The following ZNF500 variants were observed in gnomAD, a reference collection of about 807,000 sequenced individuals.
ZNF500 encodes the protein zinc finger protein 500.
A neutral mutation model predicts 30.1 loss-of-function variants in ZNF500; 31 were observed. That is an observed-to-expected ratio of 1.03 (90% CI 0.77 to 1.39). The LOEUF (loss-of-function observed/expected upper bound fraction) is 1.39. ZNF500 is among the 40% of genes most tolerant of loss of function. The pLI, the probability that ZNF500 is intolerant of heterozygous loss-of-function variation, is 0.00. For synonymous variants in ZNF500, 392 were observed against 282.0 expected, an observed-to-expected ratio of 1.39 and a Z score of -3.91; for missense variants, 817 against 657.8, an observed-to-expected ratio of 1.24 and a Z score of -2.65.
chr16:4,758,353 A>G (rs1039169309), intron 5 of ZNF500: 1 of 152,240 alleles, frequency 6.6e-6, no homozygotes, highest in South Asian at 2.1e-4. Context: ...GCTGGTGGAC[A>G]GAGCTGGGCA....
rs1166926505 is a variant in ZNF500 at position 4,762,663 on chromosome 16, G to A, written c.508C>T (p.Leu170=). The A allele has an allele frequency of 1.2e-6, 2 of 1,614,146 alleles. No individual in the cohort carries two copies. Among genetic ancestry groups the A allele is most frequent in the East Asian group, 4.5e-5 (2 of 44,880 alleles). The change falls in exon 3 of 6, where the codon CTG becomes TTG. Residue 170 remains leucine, a synonymous_variant. Coordinates refer to ENST00000219478, the MANE Select transcript of ZNF500 (RefSeq NM_021646.4). ...CTGGAGAATCGAGCCTCTTCCTCCA[G>A]GGACAGATCCTCTGGCTGAGCCTCT... ...QAEAQPEDLS[L]EEEARFSSQQ...
At position 4,752,544 on chromosome 16, in the gene ZNF500, G is replaced by T; in HGVS notation, c.1275C>A (p.Ser425Arg). The T allele has an allele frequency of 6.4e-7, 1 of 1,567,930 alleles. No homozygotes were observed. The part of the protein sequence containing the change: ...GKRFNNSSHF[S>R]AHRRTHTGEK... ...CACCTGTGTGCGTCCGGCGGTGGGC[G>T]CTGAAGTGCGAGCTGTTGTTGAAGC... is the stretch of plus-strand genomic sequence containing the variant. The change falls in exon 6 of 6, where the codon AGC (serine) becomes AGA (arginine). Residue 425 changes from serine (S) to arginine (R), a missense_variant. By Grantham distance (110) the Ser-to-Arg change is moderately radical. Transcript: ENST00000219478.
downstream of ZNF500, chr16:4,746,885 G>C: frequency 6.7e-7 from 1 of 1,487,522 alleles, no homozygotes; most frequent in South Asian, 1.3e-5. Flanking sequence ...TGGAACACCA[G>C]GTGGAGTGGG....
chr16:4,747,776 C>G (rs1374435276), downstream of ZNF500: 1 of 976,142 alleles, frequency 1.0e-6, no homozygotes, highest in African/African-American at 1.7e-5. Flanking sequence ...GTTGCCCACC[C>G]TGTTAGAGCT....
At chr16:4,747,287 G>T, downstream of ZNF500, 1 of 1,506,100 alleles carries the variant, frequency 6.6e-7, no homozygotes, top group Non-Finnish European at 8.9e-7. Context: ...CAGTAAGGAG[G>T]GCTGGGAGGG....
At chr16:4,765,531 T>C in intron 2 of ZNF500, 34 bp downstream of exon 2, 1 of 1,546,950 alleles carries the variant, frequency 6.5e-7, no homozygotes, top group Non-Finnish European at 8.7e-7. Flanking sequence ...AGGGCCCCAT[T>C]TCCTCACCTG....
At chr16:4,761,052 G>C (rs1475945348) in intron 4 of ZNF500, among the ~76,000 whole-genome samples, 1 of 152,170 alleles carries the variant, frequency 6.6e-6, no homozygotes, top group East Asian at 1.9e-4. Context: ...AATTCACAGA[G>C]ACAAGAAGGA....
Position 4,752,649 on chromosome 16 carries a change from G to T in ZNF500, c.1170C>A (p.Phe390Leu), listed in dbSNP as rs780268937. ...GGATGACCAGGCTGGAGCTCTGGCT[G>T]AAGCGCTTCCCACACTCGGGGCACG... ...PYPCPECGKR[F>L]SQSSSLVIHR... Residue 390 changes from phenylalanine (F) to leucine (L), a missense_variant, in exon 6 of 6, where the codon TTC (phenylalanine) becomes TTA (leucine). Phe to Leu is a conservative substitution (Grantham distance 22). Coordinates refer to ENST00000219478, the MANE Select transcript of ZNF500 (RefSeq NM_021646.4). The T allele has an allele frequency of 6.2e-7, 1 of 1,612,786 alleles. No homozygotes were observed. The highest frequency in any genetic ancestry group is 2.2e-5 in the East Asian group (1 of 44,814).
At chr16:4,763,333 A>G (rs1215308135) in intron 2 of ZNF500, among the ~76,000 whole-genome samples, 1 of 151,718 alleles carries the variant, frequency 6.6e-6, no homozygotes, top group Non-Finnish European at 1.5e-5. Context: ...CGGGAAGTAC[A>G]GGTTGCAGTG....
rs2142224563 is a variant in ZNF500, at chr16:4,752,363, TC to T, written c.*12del. On this transcript the variant is annotated 3_prime_UTR_variant, in exon 6 of 6. Coordinates refer to ENST00000219478, the MANE Select transcript of ZNF500 (RefSeq NM_021646.4). ...GGATGAGAGTCCTGGAAAGGGAGTTTCAGGCCTGGTGATCAGGCTTTGGCAC... is the reference window on the plus strand; with the variant it reads ...GGATGAGAGTCCTGGAAAGGGAGTTTAGGCCTGGTGATCAGGCTTTGGCAC... The T allele has an allele frequency of 6.8e-7, 1 of 1,471,932 alleles. No individual in the cohort carries two copies. The highest frequency in any genetic ancestry group is 1.3e-5 in the South Asian group (1 of 74,764). The allele number at this position is 1,471,932 out of a possible 1,614,324, so 91.2% of individuals were successfully genotyped here.
intron 5 of ZNF500, among the ~76,000 whole-genome samples, chr16:4,755,535 T>C (rs1216205271): frequency 1.3e-5 from 2 of 152,144 alleles, no homozygotes; most frequent in Non-Finnish European, 2.9e-5. Flanking sequence ...CAGGCTGGTC[T>C]CGAACTCCTG....
At chr16:4,754,830 A>C (rs1567523762) in intron 5 of ZNF500, among the ~76,000 whole-genome samples, 1 of 152,018 alleles carries the variant, frequency 6.6e-6, no homozygotes, top group Non-Finnish European at 1.5e-5. Flanking sequence ...GTAATCCCCA[A>C]TGTGGAGGTG....
At chr16:4,763,770 G>A (rs2082233470) in intron 2 of ZNF500, 4 of 985,430 alleles carry the variant, frequency 4.1e-6, no homozygotes, top group Non-Finnish European at 4.8e-6. Flanking sequence ...AGGCTGGCCG[G>A]CTGGGAAGAA....
At position 4,762,715 on chromosome 16, in the gene ZNF500, T is replaced by C; in HGVS notation, c.456A>G (p.Ile152Met). Residue 152 changes from isoleucine (I) to methionine (M), a missense_variant, in exon 3 of 6, where the codon ATA becomes ATG. Transcript: ENST00000219478. ...LLSDDEVPLG[I>M]GGQFLKHQAE... ...CCTGGTGTTTTAAGAACTGTCCCCC[T>C]ATCCCGAGGGGCACCTCGTCATCAG... The C allele has an allele frequency of 2.5e-6, 4 of 1,613,132 alleles. No homozygotes were observed. Among genetic ancestry groups the C allele is most frequent in the Non-Finnish European group, 3.4e-6 (4 of 1,179,458 alleles).
At chr16:4,763,098 G>C in intron 2 of ZNF500, 1 of 985,424 alleles carries the variant, frequency 1.0e-6, no homozygotes, top group South Asian at 4.7e-5. Flanking sequence ...GCATTTGCTA[G>C]ATTTTTTGAA....
intron 5 of ZNF500, among the ~76,000 whole-genome samples, chr16:4,759,809 A>G (rs59171243): frequency 0.032 from 4,829 of 152,308 alleles, 258 homozygotes; most frequent in African/African-American, 0.11. Flanking sequence ...GGCCTAGGCC[A>G]GCGGATCACC....
At position 4,762,625 on chromosome 16, in the gene ZNF500, T is replaced by A. The variant is rs1316357784; in HGVS notation, c.546A>T (p.Pro182=). The A allele has an allele frequency of 6.2e-7, 1 of 1,613,992 alleles. No homozygotes were observed. Among genetic ancestry groups the A allele is most frequent in the Admixed American group, 1.7e-5 (1 of 59,998 alleles). The change falls in exon 3 of 6, where the codon CCA becomes CCT. Residue 182 remains proline, a synonymous_variant. Coordinates refer to ENST00000219478, the MANE Select transcript of ZNF500 (RefSeq NM_021646.4). Reference sequence around the variant, plus strand: ...TCTGTGGCCTGTGGCTCAGCTGGGCTGGGGGCTGCTGGCTGGAGAATCGAG... The same window carrying A: ...TCTGTGGCCTGTGGCTCAGCTGGGCAGGGGGCTGCTGGCTGGAGAATCGAG... ...EEARFSSQQP[P]AQLSHRPQRG... is the part of the protein sequence containing the mutation.
At chr16:4,754,685 A>T (rs1423913451) in intron 5 of ZNF500, among the ~76,000 whole-genome samples, 1 of 151,440 alleles carries the variant, frequency 6.6e-6, no homozygotes, top group Non-Finnish European at 1.5e-5. Context: ...AAAAAAAAAA[A>T]TAGAAAATAA....
At chr16:4,753,974 G>A (rs1254907063) in intron 5 of ZNF500, among the ~76,000 whole-genome samples, 3 of 152,244 alleles carry the variant, frequency 2.0e-5, no homozygotes, top group Admixed American at 6.5e-5. Context: ...CAACAGGACA[G>A]GAGAACAGGG....
Sources: gnomAD v4.1 joint callset for allele counts (sites outside exome capture counted in the v4.1 genomes callset) on GRCh38, gnomAD v4.1.1 for gene constraint, MANE v1.5 for transcripts, NCBI Gene and HGNC (gene_info 2026-07-23, HGNC 2026-07-21) for gene names.